TAFA1: variants seen among roughly 807,000 people sequenced by gnomAD.
TAFA1 encodes TAFA chemokine like family member 1, also known as chemokine-like protein TAFA-1.
Under a neutral mutation model 18.5 loss-of-function variants are expected in TAFA1, and 4 were observed. That is an observed-to-expected ratio of 0.22 (90% CI 0.11 to 0.49). The LOEUF (loss-of-function observed/expected upper bound fraction) is 0.49. Among genes scored for constraint, TAFA1 ranks in the 20% least tolerant of loss-of-function variants. The pLI is 0.98. For missense variants in TAFA1, 147 were observed against 169.0 expected, an observed-to-expected ratio of 0.87 and a Z score of 0.72; for synonymous variants, 56 against 55.2, an observed-to-expected ratio of 1.01 and a Z score of -0.06.
intron 2 of TAFA1, among the ~76,000 whole-genome samples, chr3:68,092,531 G>A (rs1020620883): frequency 1.3e-5 from 2 of 152,142 alleles, no homozygotes; most frequent in African/African-American, 2.4e-5. Context: ...TTCAAGAAGA[G>A]TTTTAGACCA....
chr3:68,310,551 C>A (rs1443136139), intron 2 of TAFA1, among the ~76,000 whole-genome samples: 2 of 152,032 alleles, frequency 1.3e-5, no homozygotes, highest in Non-Finnish European at 2.9e-5. Context: ...AGTTCATATT[C>A]ATATTCATTA....
intron 2 of TAFA1, among the ~76,000 whole-genome samples, chr3:68,284,439 G>C (rs976792594): frequency 2.0e-5 from 3 of 152,190 alleles, no homozygotes; most frequent in Non-Finnish European, 2.9e-5. Context: ...TTGGCAATTT[G>C]TAATAGAATA....
At chr3:68,043,572 T>C (rs2106684309) in intron 2 of TAFA1, among the ~76,000 whole-genome samples, 1 of 152,352 alleles carries the variant, frequency 6.6e-6, no homozygotes, top group East Asian at 1.9e-4. Flanking sequence ...CATAGAATTT[T>C]CTATGAGTTC....
intron 4 of TAFA1, among the ~76,000 whole-genome samples, chr3:68,539,308 C>T (rs1327155053): frequency 1.3e-5 from 2 of 152,108 alleles, no homozygotes; most frequent in Non-Finnish European, 2.9e-5. Context: ...CTGTGATGAT[C>T]CGTCAGAGAA....
At chr3:68,488,551 C>T (rs1479655024) in intron 3 of TAFA1, among the ~76,000 whole-genome samples, 1 of 152,202 alleles carries the variant, frequency 6.6e-6, no homozygotes, top group African/African-American at 2.4e-5. Context: ...GACCAAAACT[C>T]TGGAGTCCTA....
chr3:68,186,698 G>A (rs763617247), intron 2 of TAFA1, among the ~76,000 whole-genome samples: 1 of 151,976 alleles, frequency 6.6e-6, no homozygotes, highest in African/African-American at 2.4e-5. Context: ...GACCCAACCT[G>A]CCTGGGCTTT....
At chr3:68,242,498 A>C (rs1455882192) in intron 2 of TAFA1, among the ~76,000 whole-genome samples, 6 of 152,194 alleles carry the variant, frequency 3.9e-5, no homozygotes, top group Admixed American at 3.9e-4. Context: ...AAAGTATAAT[A>C]CATCTCTAGC....
At chr3:68,145,675 T>C (rs2065730725) in intron 2 of TAFA1, 4 of 903,214 alleles carry the variant, frequency 4.4e-6, no homozygotes, top group Non-Finnish European at 7.4e-6. Context: ...GAATCCTGTA[T>C]ACTGACAAAT....
chr3:68,391,866 AC>A (rs1399692016), intron 2 of TAFA1, among the ~76,000 whole-genome samples: 1 of 152,188 alleles, frequency 6.6e-6, no homozygotes, highest in Non-Finnish European at 1.5e-5. Flanking sequence ...GAAGCACTAA[AC>A]ATGGAAAGGA....
At chr3:68,385,050 T>G (rs2070062449) in intron 2 of TAFA1, among the ~76,000 whole-genome samples, 1 of 152,096 alleles carries the variant, frequency 6.6e-6, no homozygotes, top group Non-Finnish European at 1.5e-5. Flanking sequence ...ATTTTGAACC[T>G]ATGCATGTCC....
At chr3:68,279,627 A>C (rs1308634109) in intron 2 of TAFA1, among the ~76,000 whole-genome samples, 1 of 152,178 alleles carries the variant, frequency 6.6e-6, no homozygotes, top group Non-Finnish European at 1.5e-5. Context: ...CTCCTTCCTG[A>C]AACTTAAATT....
At chr3:68,208,337 A>G (rs1290571806) in intron 2 of TAFA1, among the ~76,000 whole-genome samples, 2 of 151,984 alleles carry the variant, frequency 1.3e-5, no homozygotes, top group Non-Finnish European at 2.9e-5. Context: ...TCAGCTAAGT[A>G]GTTACAGCAA....
intron 3 of TAFA1, among the ~76,000 whole-genome samples, chr3:68,440,254 T>C (rs1211314161): frequency 6.6e-6 from 1 of 152,164 alleles, no homozygotes; most frequent in Non-Finnish European, 1.5e-5. Flanking sequence ...GAAACATGCC[T>C]TTCACCTCCC....
intron 2 of TAFA1, among the ~76,000 whole-genome samples, chr3:68,096,573 T>C (rs911644714): frequency 2.0e-5 from 3 of 152,100 alleles, no homozygotes; most frequent in African/African-American, 7.2e-5. Context: ...ATTAGCTACA[T>C]TTTTCCAGCT....
intron 3 of TAFA1, among the ~76,000 whole-genome samples, chr3:68,483,811 G>T (rs943819818): frequency 6.6e-6 from 1 of 152,174 alleles, no homozygotes; most frequent in Non-Finnish European, 1.5e-5. Flanking sequence ...TAAAAAACAG[G>T]CAAAGGGCCA....
chr3:68,371,080 A>G (rs2069697343), intron 2 of TAFA1, among the ~76,000 whole-genome samples: 1 of 152,182 alleles, frequency 6.6e-6, no homozygotes, highest in Non-Finnish European at 1.5e-5. Flanking sequence ...TTCTGTTAAG[A>G]AAAGATTGTA....
At chr3:68,292,053 ACT>A (rs1221221242) in intron 2 of TAFA1, among the ~76,000 whole-genome samples, 1 of 152,144 alleles carries the variant, frequency 6.6e-6, no homozygotes, top group African/African-American at 2.4e-5. Context: ...CATGTCGTTT[ACT>A]CTCTCATCAC....
At chr3:68,364,955 C>T (rs1461625128) in intron 2 of TAFA1, among the ~76,000 whole-genome samples, 1 of 152,142 alleles carries the variant, frequency 6.6e-6, no homozygotes, top group African/African-American at 2.4e-5. Context: ...CATGTGTTTG[C>T]AGAATCTCCA....
chr3:68,178,968 T>G (rs1411818350), intron 2 of TAFA1, among the ~76,000 whole-genome samples: 2 of 152,224 alleles, frequency 1.3e-5, no homozygotes, highest in African/African-American at 2.4e-5. Context: ...GGCTATTTTG[T>G]AGCCAGTGAA....
Sources: allele counts gnomAD v4.1 joint callset (sites outside exome capture counted in the v4.1 genomes callset), GRCh38; gene constraint gnomAD v4.1.1; transcripts MANE v1.5; gene names NCBI Gene and HGNC (gene_info 2026-07-23, HGNC 2026-07-21).